The following DMD variants were observed in gnomAD, a reference collection of about 807,000 sequenced individuals.
The protein encoded by DMD is mutant dystrophin.
In DMD, 63 loss-of-function variants were observed where a neutral mutation model predicts 330.1. The ratio of observed to expected loss-of-function variants is 0.19; its 90% CI spans 0.16 to 0.24. The LOEUF is 0.24. DMD is among the 10% of genes least tolerant of loss of function. The probability of loss-of-function intolerance (pLI) is 1.00; values close to 1 mark genes in which losing one functional copy is unlikely to be tolerated. For synonymous variants in DMD, 1,223 were observed against 959.8 expected (o/e 1.27, Z -5.07); for missense variants, 3,344 against 2,684.1 (o/e 1.25, Z -5.43).
At chrX:32,924,611 C>G (rs1202843897) in intron 2 of DMD, among the ~76,000 whole-genome samples, 1 of 112,119 alleles carries the variant, frequency 8.9e-6, no homozygotes, top group Non-Finnish European at 1.9e-5. Context: ...TTTCAAACCA[C>G]AGCCCTATTG....
intron 67 of DMD, among the ~76,000 whole-genome samples, chrX:31,189,712 G>C (rs1332050071): frequency 1.8e-5 from 2 of 112,170 alleles, no homozygotes; most frequent in African/African-American, 3.2e-5. Flanking sequence ...GAATTGAACA[G>C]TGGGTGGGAA....
intron 30 of DMD, among the ~76,000 whole-genome samples, chrX:32,390,950 C>T (rs760318432): frequency 6.3e-4 from 70 of 111,578 alleles, no homozygotes; most frequent in Middle Eastern, 4.7e-3. Flanking sequence ...TGATGGCTTC[C>T]GGCAGATACT....
At position 31,322,746 on chromosome X, in the gene DMD, G is replaced by A. The variant is rs114154661; in HGVS notation, c.9224+852C>T. On this transcript the variant is annotated intron_variant, in intron 62 of 78. Transcript: ENST00000357033. ...ACAGATTCGATAAAAGATGGCAGGC[G>A]GAAAAAAATGGGAAAACATCTAATA... Among the ~76,000 whole-genome samples the A allele has an allele frequency of 9.5e-3, 1,065 of 111,901 alleles. 14 individuals carry two copies. The highest frequency in any genetic ancestry group is 0.033 in the African/African-American group (1,025 of 30,834).
chrX:32,413,536 TAAA>T (rs967581020), intron 29 of DMD, among the ~76,000 whole-genome samples: 2 of 109,747 alleles, frequency 1.8e-5, no homozygotes, highest in African/African-American at 6.6e-5. Context: ...TTACTCTAGT[TAAA>T]ATCATTACTA....
intron 1 of DMD, among the ~76,000 whole-genome samples, chrX:33,311,162 AATAT>A (rs1383576867): frequency 2.7e-5 from 3 of 110,159 alleles, no homozygotes; most frequent in Non-Finnish European, 5.7e-5. Context: ...TACCTACTTT[AATAT>A]ATAGATACAC....
intron 1 of DMD, among the ~76,000 whole-genome samples, chrX:33,147,023 C>A (rs1360496893): frequency 9.1e-6 from 1 of 110,187 alleles, no homozygotes; most frequent in Non-Finnish European, 1.9e-5. Flanking sequence ...GGGGTTTCAC[C>A]GTGTCAGCCA....
chrX:33,177,944 A>G (rs749209388), intron 1 of DMD, among the ~76,000 whole-genome samples: 1 of 112,264 alleles, frequency 8.9e-6, no homozygotes, highest in East Asian at 2.8e-4. Flanking sequence ...AAATACGAAC[A>G]GATGTATTGA....
At chrX:31,141,760 C>G (rs2147871230) in intron 76 of DMD, among the ~76,000 whole-genome samples, 1 of 111,233 alleles carries the variant, frequency 9.0e-6, no homozygotes, top group African/African-American at 3.3e-5. Context: ...TAATTTTATC[C>G]AGAAGATGCT....
At chrX:31,260,933 G>A (rs1257648679) in intron 63 of DMD, 22 bp downstream of exon 63, 2 of 1,200,929 alleles carry the variant, frequency 1.7e-6, no homozygotes, top group Admixed American at 2.2e-5. Flanking sequence ...TTAACTTGGA[G>A]GAAACATGGC....
chrX:31,483,091 G>T (rs1288083464), intron 57 of DMD, among the ~76,000 whole-genome samples: 1 of 93,531 alleles, frequency 1.1e-5, no homozygotes, highest in African/African-American at 4.0e-5. Flanking sequence ...CTGTCGCCCA[G>T]GCTGGAGTGC....
intron 33 of DMD, among the ~76,000 whole-genome samples, chrX:32,381,243 T>G (rs1027554896): frequency 1.8e-5 from 2 of 111,544 alleles, no homozygotes; most frequent in South Asian, 7.5e-4. Flanking sequence ...GGTCACTTCC[T>G]CCTTAAACAT....
At chrX:32,733,668 G>A (rs1215250424) in intron 7 of DMD, among the ~76,000 whole-genome samples, 3 of 111,495 alleles carry the variant, frequency 2.7e-5, no homozygotes, top group African/African-American at 9.8e-5. Context: ...TGACTACGGG[G>A]TGCATAATGA....
chrX:32,672,594 T>C (rs1015950802), intron 9 of DMD, among the ~76,000 whole-genome samples: 5 of 110,680 alleles, frequency 4.5e-5, no homozygotes, highest in South Asian at 3.8e-4. Flanking sequence ...GCCAGGGACA[T>C]AGAACAAAAA....
At position 32,771,433 on chromosome X, in the gene DMD, A is replaced by G. The variant is rs777868845; in HGVS notation, c.649+38060T>C. On this transcript the variant is annotated intron_variant, in intron 7 of 78. Coordinates refer to ENST00000357033, the MANE Select transcript of DMD (RefSeq NM_004006.3). ...AACCTAGCAAACTAAGTAGATTTCTAAAGTTTTCAGCAAGTGAAAACATAA... is the reference window on the plus strand; with the variant it reads ...AACCTAGCAAACTAAGTAGATTTCTGAAGTTTTCAGCAAGTGAAAACATAA... 6.3e-5 allele frequency among the ~76,000 whole-genome samples: 7 copies of G among 110,918 alleles called. No homozygotes were observed. In the South Asian group the frequency reaches 2.3e-3, roughly 36 times the overall value.
chrX:32,653,095 C>A (rs186311707), intron 9 of DMD, among the ~76,000 whole-genome samples: 1 of 111,172 alleles, frequency 9.0e-6, no homozygotes, highest in Non-Finnish European at 1.9e-5. Flanking sequence ...AAATTTTCTC[C>A]CATTCTGTAG....
intron 7 of DMD, among the ~76,000 whole-genome samples, chrX:32,734,185 A>G (rs906142501): frequency 3.7e-5 from 4 of 109,352 alleles, no homozygotes; most frequent in African/African-American, 1.4e-4. Flanking sequence ...AAATTCCTGC[A>G]CACATACACT....
intron 50 of DMD, among the ~76,000 whole-genome samples, chrX:31,776,299 A>G (rs1021543565): frequency 4.5e-5 from 5 of 111,171 alleles, no homozygotes; most frequent in Admixed American, 1.9e-4. Context: ...ACAGCAATTT[A>G]GGAGGATTTC....
chrX:32,943,452 G>C (rs972070436), intron 2 of DMD, among the ~76,000 whole-genome samples: 1 of 110,929 alleles, frequency 9.0e-6, no homozygotes, highest in Non-Finnish European at 1.9e-5. Flanking sequence ...ATTACAGTCT[G>C]CTTTATTTTT....
chrX:32,214,369 C>T (rs2097105061), intron 44 of DMD, among the ~76,000 whole-genome samples: 1 of 111,407 alleles, frequency 9.0e-6, no homozygotes. Flanking sequence ...CCAAGGCTGA[C>T]TAGTGATCAC....
Sources: allele counts gnomAD v4.1 joint callset (sites outside exome capture counted in the v4.1 genomes callset), GRCh38; gene constraint gnomAD v4.1.1; transcripts MANE v1.5; gene names NCBI Gene and HGNC (gene_info 2026-07-23, HGNC 2026-07-21).